Variants in DNAH6 observed in about 807,000 individuals in gnomAD.
The protein encoded by DNAH6 is axonemal beta dynein heavy chain 6.
A neutral mutation model predicts 491.4 loss-of-function variants in DNAH6; 340 were observed. The ratio of observed to expected loss-of-function variants is 0.69; its 90% CI spans 0.63 to 0.76. The LOEUF (loss-of-function observed/expected upper bound fraction) is 0.76. Among genes scored for constraint, DNAH6 ranks in the 30% least tolerant of loss-of-function variants. The pLI, the probability that DNAH6 is intolerant of heterozygous loss-of-function variation, is 0.00. For synonymous variants in DNAH6, 1,603 were observed against 1,686.1 expected (o/e 0.95, Z 1.21); for missense variants, 4,443 against 4,972.2 (o/e 0.89, Z 3.20).
At chr2:84,700,654 G>C (rs1324178565) in intron 48 of DNAH6, among the ~76,000 whole-genome samples, 2 of 152,202 alleles carry the variant, frequency 1.3e-5, no homozygotes, top group Admixed American at 6.5e-5. Context: ...AGTTGCATTT[G>C]ACCAATGTTC....
At chr2:84,593,946 G>C (rs371461949) in intron 16 of DNAH6, 26 bp from the exon 17 acceptor site, 1 of 1,329,092 alleles carries the variant, frequency 7.5e-7, no homozygotes, top group South Asian at 1.3e-5. Flanking sequence ...ACTAAATTAC[G>C]CATTTTGTTT....
chr2:84,750,879 A>C (rs886224788), intron 63 of DNAH6: 4 of 152,276 alleles, frequency 2.6e-5, no homozygotes, highest in Admixed American at 6.5e-5. Context: ...TTCAACCAAA[A>C]ACCTTACCCA....
chr2:84,683,956 T>C (rs1694050850), intron 42 of DNAH6, among the ~76,000 whole-genome samples: 1 of 152,154 alleles, frequency 6.6e-6, no homozygotes. Flanking sequence ...GCTTAGGCAT[T>C]AAGAACCCTG....
At chr2:84,762,996 T>G in intron 64 of DNAH6, 51 bp downstream of exon 64, 10 of 1,396,236 alleles carry the variant, frequency 7.2e-6, no homozygotes, top group Non-Finnish European at 8.9e-6. Flanking sequence ...TGAACATCTC[T>G]TTGTTAAAAT....
chr2:84,547,615 A>G lies in DNAH6; in HGVS notation c.1186+3A>G, dbSNP rs1678906068. 8 of 1,551,780 alleles carry G rather than the reference A, an allele frequency of 5.2e-6. No individual in the cohort carries two copies. Among genetic ancestry groups the G allele is most frequent in the Non-Finnish European group, 7.0e-6 (8 of 1,146,862 alleles). ...CTGTGCATTTGGACCTTTTGAGGGTATGAAGGGGAAAGAACCTCAATATAT... is the reference window on the plus strand; with the variant it reads ...CTGTGCATTTGGACCTTTTGAGGGTGTGAAGGGGAAAGAACCTCAATATAT... On this transcript the variant is annotated splice_donor_region_variant and intron_variant, in intron 7 of 76. Coordinates refer to ENST00000389394, the MANE Select transcript of DNAH6 (RefSeq NM_001370.2).
chr2:84,673,369 C>T lies in DNAH6; in HGVS notation c.6612+885C>T, dbSNP rs184866466. 3.7e-3 allele frequency among the ~76,000 whole-genome samples: 567 copies of T among 152,112 alleles called. 1 individual carries two copies. The highest frequency in any genetic ancestry group is 0.012 in the African/African-American group (494 of 41,486). On this transcript the variant is annotated intron_variant, in intron 40 of 76. Coordinates refer to ENST00000389394, the MANE Select transcript of DNAH6 (RefSeq NM_001370.2). Reference sequence around the variant, plus strand: ...TGGCTGCAGGGGAGGGATGAGCTAACGAGGAGGCAAGACCAGAGGCAACTG... The same window carrying T: ...TGGCTGCAGGGGAGGGATGAGCTAATGAGGAGGCAAGACCAGAGGCAACTG...
chr2:84,505,732 C>T, the DNAH6 span, among the ~76,000 whole-genome samples: 12 of 152,090 alleles, frequency 7.9e-5, no homozygotes, highest in South Asian at 2.1e-4. Context: ...CAACAGGCCC[C>T]GGTGTGTTAT....
At chr2:84,755,619 TC>T (rs775202289) in intron 63 of DNAH6, among the ~76,000 whole-genome samples, 3 of 152,220 alleles carry the variant, frequency 2.0e-5, no homozygotes, top group Non-Finnish European at 4.4e-5. Context: ...CTTCTTCTTT[TC>T]CAATCTAGAT....
Position 84,814,046 on chromosome 2 carries a change from C to A in DNAH6, c.12074C>A (p.Thr4025Asn). 3.2e-6 allele frequency: 5 copies of A among 1,551,712 alleles called. No individual in the cohort carries two copies. Among genetic ancestry groups the A allele is most frequent in the Non-Finnish European group, 4.4e-6 (5 of 1,146,974 alleles). The change falls in exon 75 of 77, where the codon ACC becomes AAC. Residue 4025 changes from threonine (T) to asparagine (N), a missense_variant. Coordinates refer to ENST00000389394, the MANE Select transcript of DNAH6 (RefSeq NM_001370.2). ...ELSFKYSVIPTYRDQAAVIEA... is the reference protein window; with the variant it reads ...ELSFKYSVIPNYRDQAAVIEA... Reference sequence around the variant, plus strand: ...AGTTTCAAATACAGCGTAATTCCCACCTATCGGGATCAAGCTGCAGTGATA... The same window carrying A: ...AGTTTCAAATACAGCGTAATTCCCAACTATCGGGATCAAGCTGCAGTGATA...
the DNAH6 span, among the ~76,000 whole-genome samples, chr2:84,476,605 T>A: frequency 5.3e-5 from 8 of 152,180 alleles, no homozygotes; most frequent in African/African-American, 2.4e-5. Flanking sequence ...TGCCTCATCA[T>A]CTGTTTGAAA....
chr2:84,817,816 G>T (rs542359596), intron 76 of DNAH6, among the ~76,000 whole-genome samples: 3 of 152,166 alleles, frequency 2.0e-5, no homozygotes, highest in African/African-American at 7.2e-5. Flanking sequence ...AAGAGAGGAA[G>T]TAGGCAAGAT....
At chr2:84,815,050 C>T (rs1170648893) in intron 75 of DNAH6, among the ~76,000 whole-genome samples, 1 of 152,260 alleles carries the variant, frequency 6.6e-6, no homozygotes, top group Non-Finnish European at 1.5e-5. Context: ...GGTGCTCCCT[C>T]TGGGTGATGC....
intron 33 of DNAH6, among the ~76,000 whole-genome samples, chr2:84,643,948 G>T (rs993204484): frequency 3.3e-5 from 5 of 151,482 alleles, no homozygotes; most frequent in Non-Finnish European, 7.4e-5. Flanking sequence ...TTGCCTTTTA[G>T]TATGCCTCAT....
chr2:84,794,264 T>C (rs1322733351), intron 68 of DNAH6, among the ~76,000 whole-genome samples: 2 of 152,140 alleles, frequency 1.3e-5, no homozygotes, highest in Admixed American at 6.5e-5. Flanking sequence ...GACATAGGCA[T>C]GGGCAAGGAC....
intron 40 of DNAH6, among the ~76,000 whole-genome samples, chr2:84,676,000 A>G (rs569002329): frequency 1.3e-5 from 2 of 152,334 alleles, no homozygotes; most frequent in South Asian, 4.1e-4. Flanking sequence ...TTAAGACGGA[A>G]TAGGTGGCAT....
chr2:84,811,569 T>C (rs923251748), intron 72 of DNAH6, among the ~76,000 whole-genome samples: 2 of 152,006 alleles, frequency 1.3e-5, no homozygotes, highest in Non-Finnish European at 2.9e-5. Flanking sequence ...TCTAAGACTC[T>C]CCCCTTTCCA....
intron 22 of DNAH6, among the ~76,000 whole-genome samples, chr2:84,616,088 CT>C (rs1485214348): frequency 1.3e-4 from 19 of 151,916 alleles, no homozygotes; most frequent in Admixed American, 1.2e-3. Flanking sequence ...TTTATTGGGA[CT>C]TGTTTTGTGT....
At chr2:84,657,478 T>C (rs1182539078) in intron 35 of DNAH6, among the ~76,000 whole-genome samples, 3 of 152,074 alleles carry the variant, frequency 2.0e-5, no homozygotes, top group Non-Finnish European at 4.4e-5. Context: ...TCTCTCCATT[T>C]ATTTAGTAGT....
chr2:84,582,476 G>A (rs1234933950), intron 14 of DNAH6, among the ~76,000 whole-genome samples: 1 of 152,204 alleles, frequency 6.6e-6, no homozygotes. Flanking sequence ...CTTTGAGACG[G>A]AGTCTCGCTC....
Sources: allele counts gnomAD v4.1 joint callset (sites outside exome capture counted in the v4.1 genomes callset), GRCh38; gene constraint gnomAD v4.1.1; transcripts MANE v1.5; gene names NCBI Gene and HGNC (gene_info 2026-07-23, HGNC 2026-07-21).